AGBL1: variants seen among roughly 807,000 people sequenced by gnomAD.
AGBL1 encodes AGBL carboxypeptidase 1, also known as cytosolic carboxypeptidase 4.
A neutral mutation model predicts 118.9 loss-of-function variants in AGBL1; 130 were observed. The observed-to-expected ratio is 1.09, with a 90% CI of 0.95 to 1.26. The LOEUF is 1.26. Ranked by LOEUF, AGBL1 falls within the 50% of genes most tolerant of loss-of-function variation. AGBL1 has a pLI of 0.00. For missense variants in AGBL1, 1,584 were observed against 1,298.1 expected, an observed-to-expected ratio of 1.22 and a Z score of -3.38; for synonymous variants, 555 against 478.9, an observed-to-expected ratio of 1.16 and a Z score of -2.08.
intron 22 of AGBL1, among the ~76,000 whole-genome samples, chr15:86,697,904 C>G: frequency 6.6e-6 from 1 of 151,952 alleles, no homozygotes; most frequent in East Asian, 1.9e-4. Context: ...TCAGGTCTCT[C>G]AGCCATGGAT....
chr15:86,453,615 A>G (rs2082224316), intron 18 of AGBL1, among the ~76,000 whole-genome samples: 1 of 152,216 alleles, frequency 6.6e-6, no homozygotes, highest in Admixed American at 6.5e-5. Flanking sequence ...ATCAGGTTTT[A>G]GAGTTTTCTC....
intron 21 of AGBL1, among the ~76,000 whole-genome samples, chr15:86,650,640 G>A (rs1450882596): frequency 6.6e-6 from 1 of 151,898 alleles, no homozygotes; most frequent in Non-Finnish European, 1.5e-5. Context: ...CTTTAAAAAG[G>A]ACAAAGAAAA....
chr15:86,321,474 A>G (rs1158499195), intron 17 of AGBL1, among the ~76,000 whole-genome samples: 1 of 152,044 alleles, frequency 6.6e-6, no homozygotes, highest in African/African-American at 2.4e-5. Context: ...TTCTGATATA[A>G]AAATTTCAGA....
chr15:86,855,046 C>T (rs1453034939), intron 22 of AGBL1, among the ~76,000 whole-genome samples: 2 of 152,154 alleles, frequency 1.3e-5, no homozygotes, highest in East Asian at 3.9e-4. Context: ...AGGTTAAGGG[C>T]ACGCAGAGAC....
At chr15:86,646,381 G>A (rs2085280002) in intron 21 of AGBL1, among the ~76,000 whole-genome samples, 1 of 152,186 alleles carries the variant, frequency 6.6e-6, no homozygotes, top group Non-Finnish European at 1.5e-5. Context: ...ACCCTAGACA[G>A]TCCTTCTCGA....
intron 1 of AGBL1, among the ~76,000 whole-genome samples, chr15:86,100,915 G>A (rs1428159890): frequency 2.0e-5 from 3 of 151,808 alleles, no homozygotes; most frequent in African/African-American, 7.3e-5. Context: ...CTCATTCTGG[G>A]TTCGTTCTGC....
intron 18 of AGBL1, among the ~76,000 whole-genome samples, chr15:86,423,599 C>A (rs2081822456): frequency 6.6e-6 from 1 of 152,162 alleles, no homozygotes; most frequent in South Asian, 2.1e-4. Flanking sequence ...GTCAAATTGT[C>A]TCTGTTTGCA....
At chr15:86,571,982 C>T (rs780892977) in intron 21 of AGBL1, among the ~76,000 whole-genome samples, 1 of 152,216 alleles carries the variant, frequency 6.6e-6, no homozygotes, top group African/African-American at 2.4e-5. Flanking sequence ...CTTAGCCTCC[C>T]TCCCATGCTT....
intron 17 of AGBL1, among the ~76,000 whole-genome samples, chr15:86,340,592 G>A (rs1238905623): frequency 2.6e-5 from 4 of 152,194 alleles, no homozygotes; most frequent in African/African-American, 7.2e-5. Context: ...TTCAGAATGG[G>A]TGTGGCCCTG....
At chr15:86,408,096 A>G (rs992370485) in intron 18 of AGBL1, among the ~76,000 whole-genome samples, 1 of 151,988 alleles carries the variant, frequency 6.6e-6, no homozygotes, top group Non-Finnish European at 1.5e-5. Flanking sequence ...CCCTGTCTCT[A>G]TCTCTGTTTC....
intron 22 of AGBL1, among the ~76,000 whole-genome samples, chr15:86,904,602 T>A (rs2080256230): frequency 1.3e-5 from 2 of 148,500 alleles, no homozygotes; most frequent in Non-Finnish European, 3.0e-5. Flanking sequence ...TATTATATAT[T>A]CTATTTGTAG....
At position 86,087,653 on chromosome 15, in the gene AGBL1, C is replaced by A. The variant is rs148921181; in HGVS notation, c.51+7630C>A. 3.2e-3 allele frequency among the ~76,000 whole-genome samples: 485 copies of A among 152,276 alleles called. 4 individuals carry two copies. The highest frequency in any genetic ancestry group is 8.6e-3 in the Admixed American group (131 of 15,282). Reference sequence around the variant, plus strand: ...CCCTCATTTAATCTTTGCAACAATCCTAAGGCAGTTAATATTATCCTCATT... The same window carrying A: ...CCCTCATTTAATCTTTGCAACAATCATAAGGCAGTTAATATTATCCTCATT... On this transcript the variant is annotated intron_variant, in intron 1 of 22. Coordinates refer to ENST00000614907, the MANE Select transcript of AGBL1 (RefSeq NM_001386094.1).
chr15:86,769,170 T>TGAGAGAGAGA (rs1555448304), intron 22 of AGBL1, among the ~76,000 whole-genome samples: 8,209 of 60,998 alleles, frequency 0.13, 584 homozygotes, highest in East Asian at 0.29. Context: ...CTTCTCATTT[T>TGAGAGAGAGA]GAGAGGGAGA....
At chr15:86,484,463 A>G (rs2082689781) in intron 18 of AGBL1, among the ~76,000 whole-genome samples, 1 of 152,108 alleles carries the variant, frequency 6.6e-6, no homozygotes, top group African/African-American at 2.4e-5. Flanking sequence ...ATATTTTCCC[A>G]AATTGAAAAT....
chr15:86,476,709 C>G (rs1189202307), intron 18 of AGBL1, among the ~76,000 whole-genome samples: 2 of 152,156 alleles, frequency 1.3e-5, no homozygotes, highest in African/African-American at 4.8e-5. Context: ...AGGAATTGAA[C>G]TCAGCTCTGC....
At chr15:86,961,803 C>G (rs768210241) in intron 23 of AGBL1, among the ~76,000 whole-genome samples, 2 of 152,082 alleles carry the variant, frequency 1.3e-5, no homozygotes, top group Non-Finnish European at 2.9e-5. Flanking sequence ...ATCTGCCATA[C>G]AGGGCCATTC....
At chr15:86,785,341 G>A (rs1427120568) in intron 22 of AGBL1, among the ~76,000 whole-genome samples, 1 of 150,978 alleles carries the variant, frequency 6.6e-6, no homozygotes, top group East Asian at 1.9e-4. Flanking sequence ...CTGGGAAGAG[G>A]CACAGAGATC....
intron 18 of AGBL1, among the ~76,000 whole-genome samples, chr15:86,462,572 C>G (rs2082347611): frequency 6.6e-6 from 1 of 152,092 alleles, no homozygotes; most frequent in Non-Finnish European, 1.5e-5. Flanking sequence ...TCTCCTAATA[C>G]TATCCCTCCC....
chr15:86,877,964 C>A (rs1290886633), intron 22 of AGBL1, among the ~76,000 whole-genome samples: 1 of 152,166 alleles, frequency 6.6e-6, no homozygotes, highest in Non-Finnish European at 1.5e-5. Context: ...TCATGGATAA[C>A]CCAGCCTCCA....
Sources: gnomAD v4.1 joint callset for allele counts (sites outside exome capture counted in the v4.1 genomes callset) on GRCh38, gnomAD v4.1.1 for gene constraint, MANE v1.5 for transcripts, NCBI Gene and HGNC (gene_info 2026-07-23, HGNC 2026-07-21) for gene names.